The following PUDP variants were observed in gnomAD, a reference collection of about 807,000 sequenced individuals.
PUDP encodes pseudouridine 5'-phosphatase, also known as pseudouridine-5'-phosphatase.
PUDP carries 8 observed loss-of-function variants against 9.4 expected under a neutral mutation model. That is an observed-to-expected ratio of 0.85 (90% CI 0.50 to 1.53). The LOEUF (loss-of-function observed/expected upper bound fraction) is 1.53, where lower values mean the gene tolerates loss of function less well. Ranked by LOEUF, PUDP falls within the 40% of genes most tolerant of loss-of-function variation. The pLI is 0.00. For synonymous variants in PUDP, 99 were observed against 80.7 expected (o/e 1.23, Z -1.22); for missense variants, 188 against 189.7 (o/e 0.99, Z 0.05).
intron 1 of PUDP, among the ~76,000 whole-genome samples, chrX:7,145,510 C>A (rs749494273): frequency 4.5e-5 from 5 of 111,632 alleles, no homozygotes; most frequent in African/African-American, 1.6e-4. Flanking sequence ...CTCTCTTTCT[C>A]TGAATGGCAT....
At chrX:6,711,459 G>A (rs4274001) in intron 1 of PUDP, among the ~76,000 whole-genome samples, 30,926 of 109,990 alleles carry the variant, frequency 0.28, 3,503 homozygotes, top group Non-Finnish European at 0.35. Flanking sequence ...ATTTCTTTAC[G>A]GCCAGTTTTG....
chrX:6,872,832 T>C (rs934535256), intron 3 of PUDP, among the ~76,000 whole-genome samples: 2 of 110,993 alleles, frequency 1.8e-5, no homozygotes, highest in African/African-American at 6.6e-5. Flanking sequence ...ATAAAGGCTT[T>C]AACCAGGTAA....
At chrX:7,118,327 T>C (rs182973844) in intron 1 of PUDP, among the ~76,000 whole-genome samples, 2 of 112,392 alleles carry the variant, frequency 1.8e-5, no homozygotes, top group East Asian at 5.6e-4. Context: ...GAAAAGGAAA[T>C]CAAAGTTAGT....
chrX:6,882,513 G>C (rs7471199), intron 3 of PUDP, among the ~76,000 whole-genome samples: 1 of 110,866 alleles, frequency 9.0e-6, no homozygotes, highest in Non-Finnish European at 1.9e-5. Flanking sequence ...CCATTTTCGG[G>C]GGGGCTACAG....
intron 1 of PUDP, among the ~76,000 whole-genome samples, chrX:7,031,489 C>T (rs746783795): frequency 1.8e-5 from 2 of 112,082 alleles, no homozygotes; most frequent in Admixed American, 9.5e-5. Flanking sequence ...ACTCGCTCCA[C>T]TGCTCCATCA....
chrX:6,889,063 C>T (rs1339771366), intron 3 of PUDP, among the ~76,000 whole-genome samples: 2 of 112,029 alleles, frequency 1.8e-5, no homozygotes, highest in Non-Finnish European at 3.8e-5. Context: ...TTAAACATGA[C>T]GTACTGAGCT....
chrX:7,145,230 T>C (rs1189542079), intron 1 of PUDP, among the ~76,000 whole-genome samples: 1 of 112,474 alleles, frequency 8.9e-6, no homozygotes, highest in Non-Finnish European at 1.9e-5. Context: ...TTACATAACA[T>C]ACATCATCCA....
At chrX:6,894,315 C>T (rs1927556934) in intron 3 of PUDP, among the ~76,000 whole-genome samples, 2 of 111,673 alleles carry the variant, frequency 1.8e-5, no homozygotes, top group Non-Finnish European at 3.8e-5. Context: ...TCAAAATCCC[C>T]AGTAAAGGGA....
intron 3 of PUDP, among the ~76,000 whole-genome samples, chrX:6,813,560 C>A (rs769861584): frequency 9.0e-6 from 1 of 111,729 alleles, no homozygotes; most frequent in African/African-American, 3.3e-5. Flanking sequence ...TCCTTTCCCC[C>A]CGTAGGGCGT....
At chrX:6,759,071 G>A (rs2146673905) in intron 3 of PUDP, among the ~76,000 whole-genome samples, 1 of 111,814 alleles carries the variant, frequency 8.9e-6, no homozygotes, top group South Asian at 3.8e-4. Flanking sequence ...TTGGCTGTGA[G>A]CTTCCCTACT....
chrX:6,828,668 G>A (rs956824584), intron 3 of PUDP, among the ~76,000 whole-genome samples: 1 of 111,060 alleles, frequency 9.0e-6, no homozygotes, highest in African/African-American at 3.3e-5. Flanking sequence ...ATGCAGAGTA[G>A]ATTCACTGCC....
intron 2 of PUDP, among the ~76,000 whole-genome samples, chrX:7,088,878 A>G (rs1260861679): frequency 8.9e-6 from 1 of 112,192 alleles, no homozygotes; most frequent in Non-Finnish European, 1.9e-5. Flanking sequence ...GACAACCTGC[A>G]TGCAAACTGC....
intron 2 of PUDP, among the ~76,000 whole-genome samples, chrX:7,087,734 T>C (rs1931305567): frequency 8.9e-6 from 1 of 112,375 alleles, no homozygotes; most frequent in African/African-American, 3.2e-5. Flanking sequence ...CTAACTCCTT[T>C]CAAATCTTCA....
chrX:6,820,870 C>A (rs1232985101), intron 3 of PUDP, among the ~76,000 whole-genome samples: 9 of 111,698 alleles, frequency 8.1e-5, no homozygotes, highest in African/African-American at 2.9e-4. Flanking sequence ...CGGTGGCCCA[C>A]TTCTCACAGC....
intron 3 of PUDP, among the ~76,000 whole-genome samples, chrX:6,935,970 T>G (rs1395408022): frequency 1.2e-3 from 127 of 105,389 alleles, no homozygotes; most frequent in South Asian, 2.7e-3. Context: ...AATAACAGGA[T>G]CTGAAATTGT....
intron 3 of PUDP, among the ~76,000 whole-genome samples, chrX:6,785,605 A>C (rs926081219): frequency 4.5e-5 from 5 of 110,634 alleles, no homozygotes; most frequent in African/African-American, 1.6e-4. Flanking sequence ...GTTTACTATA[A>C]GAAAAAAAAA....
intron 3 of PUDP, among the ~76,000 whole-genome samples, chrX:6,851,336 C>T (rs1345139069): frequency 2.7e-5 from 3 of 112,010 alleles, no homozygotes; most frequent in Non-Finnish European, 5.6e-5. Context: ...TTCATTTCTT[C>T]TGTTCAGAAT....
intron 3 of PUDP, among the ~76,000 whole-genome samples, chrX:6,734,535 G>A (rs908260053): frequency 6.2e-5 from 7 of 112,001 alleles, no homozygotes; most frequent in African/African-American, 1.9e-4. Flanking sequence ...TGCTTTGGGA[G>A]GCCGAGGAGG....
At chrX:6,707,573 C>A (rs956351942) in intron 1 of PUDP, among the ~76,000 whole-genome samples, 1 of 111,539 alleles carries the variant, frequency 9.0e-6, no homozygotes, top group Admixed American at 9.5e-5. Flanking sequence ...AGCACACAAC[C>A]TAGATCCCTT....
Sources: allele counts gnomAD v4.1 joint callset (sites outside exome capture counted in the v4.1 genomes callset), GRCh38; gene constraint gnomAD v4.1.1; transcripts MANE v1.5; gene names NCBI Gene and HGNC (gene_info 2026-07-23, HGNC 2026-07-21).